The following ANK3 variants were observed in gnomAD, a reference collection of about 807,000 sequenced individuals.
ANK3 encodes ankyrin 3, also known as ankyrin-3.
A neutral mutation model predicts 370.9 loss-of-function variants in ANK3; 57 were observed. The observed-to-expected ratio is 0.15, with a 90% CI of 0.12 to 0.19. The LOEUF is 0.19. ANK3 is among the 10% of genes least tolerant of loss of function. ANK3 has a pLI of 1.00. For synonymous variants in ANK3, 1,929 were observed against 1,946.3 expected, an observed-to-expected ratio of 0.99 and a Z score of 0.23; for missense variants, 4,439 against 5,302.1, an observed-to-expected ratio of 0.84 and a Z score of 5.06.
rs1286379261 is a variant in ANK3 at position 60,028,083 on chromosome 10, T to TTGA, written c.*1760_*1762dup. 2 of 152,210 alleles carry TTGA rather than the reference T, an allele frequency of 1.3e-5. No homozygotes were observed. The allele number at this position is 152,210 out of a possible 1,614,324, so 9.4% of individuals were successfully genotyped here. ...TCTGTGGGCTAAAAGCAACTGCATG[T>TTGA]TGATGGTTCCTAGAAGTGCCAGTCA... is the stretch of plus-strand genomic sequence containing the variant. On this transcript the variant is annotated 3_prime_UTR_variant, in exon 44 of 44. Coordinates refer to ENST00000280772, the MANE Select transcript of ANK3 (RefSeq NM_020987.5).
chr10:60,621,006 T>C (rs1169962173), intron 1 of ANK3, among the ~76,000 whole-genome samples: 2 of 152,202 alleles, frequency 1.3e-5, no homozygotes, highest in Non-Finnish European at 2.9e-5. Flanking sequence ...GCAGCTTATA[T>C]ACATTGCAAA....
intron 1 of ANK3, among the ~76,000 whole-genome samples, chr10:60,319,991 T>C (rs989226368): frequency 3.7e-4 from 57 of 152,208 alleles, no homozygotes; most frequent in African/African-American, 1.3e-3. Flanking sequence ...GCCTTCTGTG[T>C]CCCTTCTTCA....
chr10:60,716,914 G>T (rs1240085537), intron 1 of ANK3, among the ~76,000 whole-genome samples: 1 of 152,124 alleles, frequency 6.6e-6, no homozygotes, highest in East Asian at 1.9e-4. Context: ...AGCACAAAGT[G>T]TAGCTATGAA....
chr10:60,414,226 A>G (rs2063615993), intron 2 of ANK3, among the ~76,000 whole-genome samples: 1 of 152,126 alleles, frequency 6.6e-6, no homozygotes, highest in South Asian at 2.1e-4. Flanking sequence ...CCCACAAGAG[A>G]TCTGTTCTGT....
chr10:60,057,174 C>T (rs535658180), intron 41 of ANK3, among the ~76,000 whole-genome samples: 5 of 152,302 alleles, frequency 3.3e-5, no homozygotes, highest in African/African-American at 9.6e-5. Flanking sequence ...TTGACCTCTG[C>T]TAATCTCACT....
chr10:60,406,994 T>C (rs992145290), intron 2 of ANK3, among the ~76,000 whole-genome samples: 77 of 152,340 alleles, frequency 5.1e-4, no homozygotes, highest in African/African-American at 1.8e-3. Context: ...TCAGTAAATC[T>C]ATAATAGTTG....
intron 15 of ANK3, 54 bp from the exon 16 acceptor site, chr10:60,196,297 G>C: frequency 6.7e-7 from 1 of 1,488,406 alleles, no homozygotes; most frequent in Non-Finnish European, 9.3e-7. Context: ...TAAAACCAGA[G>C]GCTTAGATTG....
chr10:60,149,218 A>G (rs1179551793), intron 23 of ANK3, among the ~76,000 whole-genome samples: 3 of 151,694 alleles, frequency 2.0e-5, no homozygotes, highest in African/African-American at 7.3e-5. Flanking sequence ...GTTCTGACTC[A>G]CCCCTCCCCA....
At chr10:60,370,215 G>A (rs564988526) in intron 1 of ANK3, among the ~76,000 whole-genome samples, 1 of 152,192 alleles carries the variant, frequency 6.6e-6, no homozygotes, top group Admixed American at 6.5e-5. Flanking sequence ...GTGTAATCGT[G>A]CCTATTTTTG....
chr10:60,533,960 A>G (rs2076664236), intron 2 of ANK3, among the ~76,000 whole-genome samples: 1 of 152,128 alleles, frequency 6.6e-6, no homozygotes. Context: ...TTTAAGCCTC[A>G]TTCCAGTTGG....
At chr10:60,531,110 G>T (rs2133200339) in intron 2 of ANK3, among the ~76,000 whole-genome samples, 2 of 152,236 alleles carry the variant, frequency 1.3e-5, no homozygotes, top group South Asian at 4.1e-4. Context: ...GATTTGCTCA[G>T]ATGTGATGTT....
intron 1 of ANK3, among the ~76,000 whole-genome samples, chr10:60,708,752 T>C (rs1160690822): frequency 2.0e-5 from 3 of 152,188 alleles, no homozygotes; most frequent in South Asian, 2.1e-4. Context: ...GAGAAGCACT[T>C]GTGAAGGCAC....
chr10:60,370,843 A>G (rs775549666), intron 1 of ANK3, among the ~76,000 whole-genome samples: 33 of 152,194 alleles, frequency 2.2e-4, no homozygotes, highest in Non-Finnish European at 3.8e-4. Flanking sequence ...CAAGCTAAAC[A>G]TCAACCTGAG....
chr10:60,392,953 A>G (rs2063143667), upstream of ANK3, among the ~76,000 whole-genome samples: 1 of 152,068 alleles, frequency 6.6e-6, no homozygotes, highest in East Asian at 1.9e-4. Flanking sequence ...CCTCCCCCAA[A>G]AAAGAAAAAA....
intron 1 of ANK3, among the ~76,000 whole-genome samples, chr10:60,299,768 T>C (rs2043289480): frequency 6.6e-6 from 1 of 152,238 alleles, no homozygotes. Context: ...GACTTATTTA[T>C]ATCTATGTGC....
At chr10:60,326,608 C>T (rs933292309) in intron 1 of ANK3, among the ~76,000 whole-genome samples, 1 of 152,142 alleles carries the variant, frequency 6.6e-6, no homozygotes, top group African/African-American at 2.4e-5. Flanking sequence ...ACCATCGCTG[C>T]CACCTGTTCT....
intron 1 of ANK3, among the ~76,000 whole-genome samples, chr10:60,305,538 C>A (rs1329566048): frequency 6.6e-6 from 1 of 152,058 alleles, no homozygotes; most frequent in Admixed American, 6.6e-5. Context: ...GAAGAGACAG[C>A]AGTTGGTTAT....
intron 7 of ANK3, among the ~76,000 whole-genome samples, chr10:60,254,927 T>C (rs184898630): frequency 6.6e-6 from 1 of 152,126 alleles, no homozygotes; most frequent in African/African-American, 2.4e-5. Context: ...ATATACTGAG[T>C]CCCTCCCAGC....
intron 2 of ANK3, among the ~76,000 whole-genome samples, chr10:60,449,054 T>C (rs2064526911): frequency 6.6e-6 from 1 of 152,144 alleles, no homozygotes; most frequent in African/African-American, 2.4e-5. Context: ...ACATGTGAAA[T>C]AGTCTCTGAA....
Sources: gnomAD v4.1 joint callset for allele counts (sites outside exome capture counted in the v4.1 genomes callset) on GRCh38, gnomAD v4.1.1 for gene constraint, MANE v1.5 for transcripts, NCBI Gene and HGNC (gene_info 2026-07-23, HGNC 2026-07-21) for gene names.